AMOTL1: variants seen among roughly 807,000 people sequenced by gnomAD.
AMOTL1 encodes the protein angiomotin like 1.
In AMOTL1, 45 loss-of-function variants were observed where a neutral mutation model predicts 102.9. That is an observed-to-expected ratio of 0.44 (90% CI 0.34 to 0.56). The LOEUF is 0.56. Ranked by LOEUF, AMOTL1 falls within the 20% of genes least tolerant of loss-of-function variation. The probability of loss-of-function intolerance (pLI) is 0.01; values close to 1 mark genes in which losing one functional copy is unlikely to be tolerated. For synonymous variants in AMOTL1, 481 were observed against 484.7 expected (o/e 0.99, Z 0.10); for missense variants, 1,114 against 1,225.6 (o/e 0.91, Z 1.36).
chr11:94,722,644 C>T (rs372594409), intron 1 of AMOTL1, among the ~76,000 whole-genome samples: 1 of 152,130 alleles, frequency 6.6e-6, no homozygotes, highest in Non-Finnish European at 1.5e-5. Flanking sequence ...CTCTCATCCA[C>T]GATATATATA....
rs753932402 is a variant in AMOTL1, at chr11:94,836,200, T to A, written c.1648+4659T>A. On this transcript the variant is annotated intron_variant, in intron 6 of 12. Coordinates refer to ENST00000433060, the MANE Select transcript of AMOTL1 (RefSeq NM_130847.3). Reference sequence around the variant, plus strand: ...CCCACATAGAGCATAAGGAGATTATTTTGAATCCTCATTAGGTTTCATTAC... The same window carrying A: ...CCCACATAGAGCATAAGGAGATTATATTGAATCCTCATTAGGTTTCATTAC... 2.4e-4 allele frequency among the ~76,000 whole-genome samples: 36 copies of A among 152,222 alleles called. 2 individuals carry two copies. The highest frequency in any genetic ancestry group is 1.9e-4 in the Non-Finnish European group (13 of 68,032).
intron 3 of AMOTL1, among the ~76,000 whole-genome samples, chr11:94,759,336 T>A (rs1325675007): frequency 1.3e-5 from 2 of 152,242 alleles, no homozygotes; most frequent in African/African-American, 4.8e-5. Context: ...TGCATTTATA[T>A]CTGCTGGTTT....
intron 1 of AMOTL1, among the ~76,000 whole-genome samples, chr11:94,773,766 C>CT (rs772610227): frequency 6.6e-6 from 1 of 152,124 alleles, no homozygotes; most frequent in African/African-American, 2.4e-5. Flanking sequence ...GGTTGAGGAC[C>CT]TTTTTGAACA....
chr11:94,816,348 A>C (rs7934476), intron 3 of AMOTL1, among the ~76,000 whole-genome samples: 31,703 of 152,074 alleles, frequency 0.21, 4,218 homozygotes, highest in East Asian at 0.46. Context: ...TCTTGGCTTT[A>C]GATGGTTCTG....
rs117756320 is a variant in AMOTL1 at position 94,773,675 on chromosome 11, A to G, written c.49+5115A>G. Among the ~76,000 whole-genome samples the G allele has an allele frequency of 2.0e-4, 31 of 152,346 alleles. No homozygotes were observed. In the East Asian group the frequency reaches 6.0e-3, roughly 29 times the overall value. ...TTGGTTTGCTTTTGATCCAGTTTTT[A>G]GATCTTTATTGCCATGAATTCTTTA... On this transcript the variant is annotated intron_variant, in intron 1 of 12. Coordinates refer to ENST00000433060, the MANE Select transcript of AMOTL1 (RefSeq NM_130847.3).
chr11:94,752,875 A>T (rs534174624), intron 3 of AMOTL1, among the ~76,000 whole-genome samples: 6 of 152,274 alleles, frequency 3.9e-5, no homozygotes, highest in South Asian at 2.1e-4. Context: ...TACTGCTGGG[A>T]TCTGTAAACC....
At chr11:94,860,579 G>A (rs1028619607) in intron 9 of AMOTL1, among the ~76,000 whole-genome samples, 5 of 152,168 alleles carry the variant, frequency 3.3e-5, no homozygotes, top group African/African-American at 9.7e-5. Flanking sequence ...CTGCACACAC[G>A]TGGGGTGGCT....
At position 94,821,765 on chromosome 11, in the gene AMOTL1, C is replaced by A. The variant is rs747669602; in HGVS notation, c.1357C>A (p.Arg453=). The A allele has an allele frequency of 6.2e-7, 1 of 1,613,986 alleles. No individual in the cohort carries two copies. Among genetic ancestry groups the A allele is most frequent in the African/African-American group, 1.3e-5 (1 of 75,028 alleles). ...GGTGGAGATATTAACAGAGGAGAAC[C>A]GGGTGCTTCACCAGGAACTTCAGGG... is the stretch of plus-strand genomic sequence containing the variant. The part of the protein sequence containing the change: ...QMVEILTEEN[R]VLHQELQGYY... The change falls in exon 4 of 13, where the codon CGG becomes AGG. Residue 453 remains arginine (R), a synonymous_variant. Coordinates refer to ENST00000433060, the MANE Select transcript of AMOTL1 (RefSeq NM_130847.3).
At chr11:94,836,760 CT>C (rs200404531) in intron 6 of AMOTL1, among the ~76,000 whole-genome samples, 34,449 of 140,566 alleles carry the variant, frequency 0.25, 4,371 homozygotes, top group East Asian at 0.44. Context: ...TTCCTTCCTT[CT>C]TTTTTTTTTT....
chr11:94,858,521 T>C (rs912558721), intron 8 of AMOTL1, among the ~76,000 whole-genome samples: 1 of 152,216 alleles, frequency 6.6e-6, no homozygotes, highest in Non-Finnish European at 1.5e-5. Context: ...GGGGATTATG[T>C]GGTTCTGGGT....
Position 94,799,316 on chromosome 11 carries a change from A to G in AMOTL1, c.200-74A>G. ...TGTTGCTGTAGTTAGAATGTTAATT[A>G]TGTACCACATAGTCACAGACATATA... On this transcript the variant is annotated intron_variant, in intron 2 of 12. Transcript: ENST00000433060. This position sits in a 1 kb window ranked among gnomAD's most constrained non-coding sequence, Gnocchi z 4.5. The G allele has an allele frequency of 1.7e-6, 2 of 1,195,116 alleles. No homozygotes were observed. Among genetic ancestry groups the G allele is most frequent in the Non-Finnish European group, 2.3e-6 (2 of 865,844 alleles). 74.0% of individuals were successfully genotyped at this position (1,195,116 alleles called of 1,614,324 possible).
chr11:94,719,398 T>G (rs1425736247), intron 1 of AMOTL1, among the ~76,000 whole-genome samples: 3 of 152,056 alleles, frequency 2.0e-5, no homozygotes, highest in African/African-American at 7.2e-5. Flanking sequence ...ATAATGTACA[T>G]TATATGAGTG....
Position 94,860,511 on chromosome 11 carries a change from A to C in AMOTL1, c.2135+796A>C, listed in dbSNP as rs536620992. Among the ~76,000 whole-genome samples the C allele has an allele frequency of 2.1e-4, 32 of 152,304 alleles. 1 individual carries two copies. In the South Asian group the frequency reaches 6.6e-3, roughly 32 times the overall value. Reference sequence around the variant, plus strand: ...TGTTCTGTTAAAACATACTGTTGTCAGAGTGAGCAAGGCACTCTTGACCTT... The same window carrying C: ...TGTTCTGTTAAAACATACTGTTGTCCGAGTGAGCAAGGCACTCTTGACCTT... On this transcript the variant is annotated intron_variant, in intron 9 of 12. Coordinates refer to ENST00000433060, the MANE Select transcript of AMOTL1 (RefSeq NM_130847.3).
chr11:94,796,029 C>T (rs567418899), intron 2 of AMOTL1, among the ~76,000 whole-genome samples: 1 of 152,220 alleles, frequency 6.6e-6, no homozygotes, highest in African/African-American at 2.4e-5. Context: ...ATCTGTCTTT[C>T]CTTGGGTAGT....
At chr11:94,790,335 C>T (rs1951261844) in intron 1 of AMOTL1, among the ~76,000 whole-genome samples, 1 of 152,106 alleles carries the variant, frequency 6.6e-6, no homozygotes. Context: ...ATGACTACTG[C>T]AAAATACTAG....
In AMOTL1 at chr11:94,854,139, A is replaced by G. The variant is rs377035371; in HGVS notation, c.1944+57A>G. Reference sequence around the variant, plus strand: ...TTAGATATGTTCACTCAGCAAACGTATGGATGTTCTACCATGGGCCAGATC... The same window carrying G: ...TTAGATATGTTCACTCAGCAAACGTGTGGATGTTCTACCATGGGCCAGATC... On this transcript the variant is annotated intron_variant, in intron 8 of 12. Coordinates refer to ENST00000433060, the MANE Select transcript of AMOTL1 (RefSeq NM_130847.3). 2.8e-5 allele frequency: 41 copies of G among 1,465,732 alleles called. No homozygotes were observed. In the South Asian group the frequency reaches 5.7e-4, roughly 21 times the overall value. The allele number at this position is 1,465,732 out of a possible 1,614,324, so 90.8% of individuals were successfully genotyped here.
chr11:94,844,223 G>C (rs1056269693), intron 6 of AMOTL1, among the ~76,000 whole-genome samples: 2 of 152,180 alleles, frequency 1.3e-5, no homozygotes, highest in African/African-American at 2.4e-5. Context: ...TCCAGAAGCA[G>C]GTGCCAAAAT....
chr11:94,806,204 A>G (rs1951565431), intron 3 of AMOTL1, among the ~76,000 whole-genome samples: 1 of 152,264 alleles, frequency 6.6e-6, no homozygotes, highest in Admixed American at 6.5e-5. Context: ...GAACCCTGTC[A>G]GCCCAGCAGT....
At chr11:94,745,571 A>T in intron 3 of AMOTL1, among the ~76,000 whole-genome samples, 1 of 152,178 alleles carries the variant, frequency 6.6e-6, no homozygotes, top group East Asian at 1.9e-4. Context: ...TCATCACAGA[A>T]GTCCTAAAAA....
Sources: gnomAD v4.1 joint callset for allele counts (sites outside exome capture counted in the v4.1 genomes callset) on GRCh38, gnomAD v4.1.1 for gene constraint, Gnocchi (gnomAD v3.1) non-coding constraint, MANE v1.5 for transcripts, NCBI Gene and HGNC (gene_info 2026-07-23, HGNC 2026-07-21) for gene names.